Variants in AK5 observed in about 807,000 individuals in gnomAD.
The protein encoded by AK5 is adenylate kinase isoenzyme 5.
In AK5, 27 loss-of-function variants were observed where a neutral mutation model predicts 69.5. That is an observed-to-expected ratio of 0.39 (90% CI 0.29 to 0.54). The LOEUF (loss-of-function observed/expected upper bound fraction) is 0.54, where lower values mean the gene tolerates loss of function less well. Among genes scored for constraint, AK5 ranks in the 20% least tolerant of loss-of-function variants. AK5 has a pLI of 0.71. For missense variants in AK5, 531 were observed against 700.4 expected, an observed-to-expected ratio of 0.76 and a Z score of 2.73; for synonymous variants, 260 against 244.4, an observed-to-expected ratio of 1.06 and a Z score of -0.60.
intron 2 of AK5, among the ~76,000 whole-genome samples, chr1:77,291,502 C>G (rs1211820487): frequency 6.6e-6 from 1 of 152,098 alleles, no homozygotes; most frequent in Non-Finnish European, 1.5e-5. Context: ...CAACCCTCCC[C>G]TGCAAATCCT....
At chr1:77,333,220 G>A (rs1328743969) in intron 5 of AK5, among the ~76,000 whole-genome samples, 1 of 152,012 alleles carries the variant, frequency 6.6e-6, no homozygotes, top group African/African-American at 2.4e-5. Flanking sequence ...ACACCTCTGA[G>A]GCCCCACCTC....
chr1:77,513,717 G>A (rs1450724935), intron 10 of AK5, among the ~76,000 whole-genome samples: 1 of 152,184 alleles, frequency 6.6e-6, no homozygotes, highest in Non-Finnish European at 1.5e-5. Flanking sequence ...GCACTCGCCT[G>A]TAGTCCCAGC....
rs111483678 is a variant in AK5 at position 77,535,408 on chromosome 1, GAC to G, written c.1429-435_1429-434del. The stretch of plus-strand genomic sequence containing the variant: ...CTAAAGCATTATGCCCCACTCACCT[GAC>G]ACAGTACAGGCACAGCCACAGAATG... On this transcript the variant is annotated intron_variant, in intron 12 of 13. Transcript: ENST00000354567. 3.3e-4 allele frequency among the ~76,000 whole-genome samples: 50 copies of G among 152,226 alleles called. 2 individuals are homozygous for G. The highest frequency in any genetic ancestry group is 1.2e-3 in the African/African-American group (49 of 41,536).
intron 6 of AK5, among the ~76,000 whole-genome samples, chr1:77,370,253 C>T (rs3911296): frequency 0.19 from 29,627 of 152,144 alleles, 3,288 homozygotes; most frequent in Middle Eastern, 0.31. Context: ...CCTCCAGCTC[C>T]GTGGAGAACT....
intron 13 of AK5, 60 bp downstream of exon 13, chr1:77,536,098 G>C: frequency 6.8e-7 from 1 of 1,475,896 alleles, no homozygotes; most frequent in Non-Finnish European, 9.1e-7. Flanking sequence ...TTTTTTCCAA[G>C]AAAAGAGAAA....
At chr1:77,317,859 T>C (rs187393845) in intron 5 of AK5, among the ~76,000 whole-genome samples, 6 of 152,354 alleles carry the variant, frequency 3.9e-5, no homozygotes, top group Admixed American at 2.0e-4. Flanking sequence ...GAATTAGAAT[T>C]TCTGGTGAGC....
At chr1:77,313,332 T>C (rs1023787719) in intron 5 of AK5, among the ~76,000 whole-genome samples, 5 of 152,122 alleles carry the variant, frequency 3.3e-5, no homozygotes, top group Admixed American at 1.3e-4. Context: ...ATACAGACTC[T>C]AGACCACTAG....
chr1:77,503,069 C>G (rs1656817812), intron 10 of AK5, among the ~76,000 whole-genome samples: 1 of 152,218 alleles, frequency 6.6e-6, no homozygotes, highest in Admixed American at 6.5e-5. Context: ...CCTGCTCTGT[C>G]AGAAATTCCA....
At chr1:77,526,744 G>T (rs959017314) in intron 12 of AK5, among the ~76,000 whole-genome samples, 1 of 151,162 alleles carries the variant, frequency 6.6e-6, no homozygotes, top group Non-Finnish European at 1.5e-5. Context: ...AAAGTGCTGG[G>T]ATTACAGGCT....
chr1:77,425,502 G>T (rs543210904), intron 8 of AK5, among the ~76,000 whole-genome samples: 2 of 152,224 alleles, frequency 1.3e-5, no homozygotes, highest in South Asian at 2.1e-4. Flanking sequence ...CAGGAGAATT[G>T]CTTGAAACCA....
At chr1:77,317,275 G>T (rs1206334691) in intron 5 of AK5, among the ~76,000 whole-genome samples, 1 of 152,092 alleles carries the variant, frequency 6.6e-6, no homozygotes, top group East Asian at 1.9e-4. Context: ...GGCTCTAAAG[G>T]CATTAACTTG....
intron 11 of AK5, among the ~76,000 whole-genome samples, chr1:77,520,617 C>T (rs1657926523): frequency 6.6e-6 from 1 of 152,084 alleles, no homozygotes; most frequent in South Asian, 2.1e-4. Flanking sequence ...TGGTCCTTGA[C>T]TTCATCCAGA....
In AK5 at chr1:77,367,845, A is replaced by ATATATATAACATATG. The variant is rs1647017983; in HGVS notation, c.891+27278_891+27279insATATATAACATATGT. On this transcript the variant is annotated intron_variant, in intron 6 of 13. Transcript: ENST00000354567. The stretch of plus-strand genomic sequence containing the variant: ...ATTATATATAATATATGTTATATAT[A>ATATATATAACATATG]TTATATATAATATATAATATATGTG... Among the ~76,000 whole-genome samples the ATATATATAACATATG allele has an allele frequency of 7.0e-3, 12 of 1,716 alleles. 5 individuals carry two copies. In the South Asian group the frequency reaches 0.22, roughly 32 times the overall value. The allele number at this position is 1,716 out of a possible 152,430, so 1.1% of individuals were successfully genotyped here. A position where few individuals can be genotyped will look rare whatever the true frequency, so the allele number is the denominator to read the frequency against.
At chr1:77,359,027 G>A (rs866660141) in intron 6 of AK5, among the ~76,000 whole-genome samples, 26 of 151,918 alleles carry the variant, frequency 1.7e-4, no homozygotes, top group African/African-American at 3.9e-4. Context: ...AGGCTGAGGC[G>A]GGCGGATCAC....
chr1:77,535,084 G>T (rs958151000), intron 12 of AK5, among the ~76,000 whole-genome samples: 1 of 152,150 alleles, frequency 6.6e-6, no homozygotes, highest in African/African-American at 2.4e-5. Flanking sequence ...TCTCAGCCTG[G>T]CAGTCTCAGG....
At chr1:77,452,747 T>A (rs1653234008) in intron 8 of AK5, among the ~76,000 whole-genome samples, 1 of 152,256 alleles carries the variant, frequency 6.6e-6, no homozygotes, top group African/African-American at 2.4e-5. Context: ...GGCTGTCTGC[T>A]AGTGCTTCCA....
chr1:77,356,008 A>T (rs752881685), intron 6 of AK5, among the ~76,000 whole-genome samples: 6 of 152,132 alleles, frequency 3.9e-5, no homozygotes, highest in Non-Finnish European at 7.4e-5. Context: ...CCATTTTTCA[A>T]ATCTTCTCTG....
At chr1:77,336,166 C>G (rs910598231) in intron 5 of AK5, among the ~76,000 whole-genome samples, 1 of 150,152 alleles carries the variant, frequency 6.7e-6, no homozygotes, top group Non-Finnish European at 1.5e-5. Context: ...ACTGCAACCT[C>G]CGCCTCCCGG....
intron 3 of AK5, among the ~76,000 whole-genome samples, chr1:77,297,140 C>T (rs1025712511): frequency 2.0e-5 from 3 of 152,046 alleles, no homozygotes; most frequent in Non-Finnish European, 4.4e-5. Context: ...TACGTTTCAC[C>T]GAATTACACA....
Sources: gnomAD v4.1 joint callset for allele counts (sites outside exome capture counted in the v4.1 genomes callset) on GRCh38, gnomAD v4.1.1 for gene constraint, MANE v1.5 for transcripts, NCBI Gene and HGNC (gene_info 2026-07-23, HGNC 2026-07-21) for gene names.